The following RNF216 variants were observed in gnomAD, a reference collection of about 807,000 sequenced individuals.
RNF216 encodes ring finger protein 216.
RNF216 carries 72 observed loss-of-function variants against 110.8 expected under a neutral mutation model. The observed-to-expected ratio is 0.65, with a 90% CI of 0.54 to 0.79. The LOEUF (loss-of-function observed/expected upper bound fraction) is 0.79, where lower values mean the gene tolerates loss of function less well. Ranked by LOEUF, RNF216 falls within the 30% of genes least tolerant of loss-of-function variation. The pLI is 0.00. For synonymous variants in RNF216, 495 were observed against 407.5 expected, an observed-to-expected ratio of 1.21 and a Z score of -2.59; for missense variants, 1,342 against 1,141.2, an observed-to-expected ratio of 1.18 and a Z score of -2.54.
chr7:5,751,311 G>C (rs535210920), intron 3 of RNF216, among the ~76,000 whole-genome samples: 2 of 152,248 alleles, frequency 1.3e-5, no homozygotes, highest in East Asian at 3.9e-4. Flanking sequence ...TCAGGTCCTG[G>C]GTGAAAGCCT....
At chr7:5,709,957 T>C (rs1562415494) in intron 13 of RNF216, among the ~76,000 whole-genome samples, 1 of 152,280 alleles carries the variant, frequency 6.6e-6, no homozygotes, top group East Asian at 1.9e-4. Flanking sequence ...AGGGTCTATG[T>C]TGCTCAGGCT....
At chr7:5,660,741 C>T (rs1161309976) in intron 13 of RNF216, among the ~76,000 whole-genome samples, 4 of 151,784 alleles carry the variant, frequency 2.6e-5, no homozygotes, top group African/African-American at 7.3e-5. Context: ...CCATGCCTGG[C>T]TAATTTTTTG....
At chr7:5,739,187 T>C (rs1395169369) in intron 5 of RNF216, 89 bp downstream of exon 5, 1 of 1,375,910 alleles carries the variant, frequency 7.3e-7, no homozygotes, top group Admixed American at 3.3e-5. Flanking sequence ...AAATTGTATA[T>C]TTAAAAATGA....
chr7:5,637,591 G>C (rs192404865), intron 15 of RNF216, among the ~76,000 whole-genome samples: 2 of 152,282 alleles, frequency 1.3e-5, no homozygotes, highest in Non-Finnish European at 2.9e-5. Context: ...CTGTCACCCA[G>C]GCAGAAGTGT....
At chr7:5,776,744 T>C (rs573646692) in intron 1 of RNF216, among the ~76,000 whole-genome samples, 126 of 149,218 alleles carry the variant, frequency 8.4e-4, no homozygotes, top group African/African-American at 3.0e-3. Flanking sequence ...ACTAAAAAAA[T>C]ACAAAAATTA....
In RNF216 at chr7:5,741,046, T is replaced by C. The variant is rs148428368; in HGVS notation, c.971A>G (p.Asn324Ser). Residue 324 changes from asparagine (N) to serine (S), a missense_variant, in exon 4 of 17, where the codon AAT (asparagine) becomes AGT (serine). Physicochemically the swap from Asn to Ser is conservative, Grantham distance 46. Coordinates refer to ENST00000389902, the MANE Select transcript of RNF216 (RefSeq NM_207111.4). ...TTCTTGCCCCCAAATGTTTTCCAAA[T>C]TGGGCTCTTGAGATTCTTGCATTGG... ...AFPMQESQEP[N>S]LENIWGQEAA... 66 of 1,614,120 alleles carry C rather than the reference T, an allele frequency of 4.1e-5. 1 individual carries two copies. The African/African-American group carries it at 5.7e-4, about 14-fold the overall frequency.
At chr7:5,679,427 G>A (rs1448008180) in intron 13 of RNF216, among the ~76,000 whole-genome samples, 2 of 152,248 alleles carry the variant, frequency 1.3e-5, no homozygotes, top group Non-Finnish European at 2.9e-5. Context: ...GAGGATGCAG[G>A]CGCTGAGCGC....
intron 1 of RNF216, among the ~76,000 whole-genome samples, chr7:5,773,836 G>C (rs957471287): frequency 1.3e-5 from 2 of 152,142 alleles, no homozygotes; most frequent in Non-Finnish European, 2.9e-5. Context: ...CAAAGTCCTG[G>C]GATAACAGGC....
intron 15 of RNF216, among the ~76,000 whole-genome samples, chr7:5,636,608 T>C (rs1263111830): frequency 6.6e-6 from 1 of 152,212 alleles, no homozygotes; most frequent in African/African-American, 2.4e-5. Context: ...AATGGCTTTG[T>C]GTTCTCAGAA....
chr7:5,689,121 T>A (rs543962011), intron 13 of RNF216, among the ~76,000 whole-genome samples: 1 of 152,156 alleles, frequency 6.6e-6, no homozygotes, highest in African/African-American at 2.4e-5. Context: ...CAGTGCCTTG[T>A]GAGCCAATAT....
At chr7:5,714,894 G>A (rs530376586) in intron 11 of RNF216, among the ~76,000 whole-genome samples, 159 bp downstream of exon 11, 27 of 152,262 alleles carry the variant, frequency 1.8e-4, no homozygotes, top group Admixed American at 1.2e-3. Flanking sequence ...TGTGCTCAGA[G>A]AACCCACATA....
chr7:5,670,298 T>C (rs942749884), intron 13 of RNF216, among the ~76,000 whole-genome samples: 3 of 152,050 alleles, frequency 2.0e-5, no homozygotes, highest in Admixed American at 2.0e-4. Flanking sequence ...GCACATGCAC[T>C]GCTCCCCTGA....
chr7:5,688,831 A>G (rs1211374677), intron 13 of RNF216, among the ~76,000 whole-genome samples: 4 of 152,032 alleles, frequency 2.6e-5, no homozygotes, highest in African/African-American at 9.7e-5. Flanking sequence ...GCTCTTAATA[A>G]TATGATACGA....
At chr7:5,771,180 A>G (rs997863127) in intron 1 of RNF216, among the ~76,000 whole-genome samples, 4 of 152,300 alleles carry the variant, frequency 2.6e-5, no homozygotes, top group African/African-American at 9.6e-5. Context: ...CCTTTCTACT[A>G]TATGATGCTG....
chr7:5,760,207 T>C (rs972351788), intron 2 of RNF216, among the ~76,000 whole-genome samples: 2 of 152,056 alleles, frequency 1.3e-5, no homozygotes, highest in Non-Finnish European at 2.9e-5. Flanking sequence ...TCAATAAAAT[T>C]CCCCAAAACT....
intron 8 of RNF216, among the ~76,000 whole-genome samples, chr7:5,723,463 T>G (rs898113241): frequency 6.6e-6 from 1 of 151,788 alleles, no homozygotes; most frequent in African/African-American, 2.4e-5. Flanking sequence ...CTGGCTAACA[T>G]GGTGAAACCC....
chr7:5,705,151 CCT>C (rs1332279024), intron 13 of RNF216, among the ~76,000 whole-genome samples: 1 of 152,158 alleles, frequency 6.6e-6, no homozygotes, highest in East Asian at 1.9e-4. Flanking sequence ...TAGATCTCTC[CCT>C]GTGTTACTGA....
At chr7:5,642,843 T>A (rs960054510) in intron 14 of RNF216, among the ~76,000 whole-genome samples, 1 of 152,214 alleles carries the variant, frequency 6.6e-6, no homozygotes, top group African/African-American at 2.4e-5. Context: ...ACAACTGCAA[T>A]TTTCTACAGC....
At chr7:5,667,985 G>A (rs533560765) in intron 13 of RNF216, among the ~76,000 whole-genome samples, 23 of 152,322 alleles carry the variant, frequency 1.5e-4, no homozygotes, top group African/African-American at 5.3e-4. Flanking sequence ...AAGCTGAGCA[G>A]GTAACTTCGC....
Sources: gnomAD v4.1 joint callset for allele counts (sites outside exome capture counted in the v4.1 genomes callset) on GRCh38, gnomAD v4.1.1 for gene constraint, MANE v1.5 for transcripts, NCBI Gene and HGNC (gene_info 2026-07-23, HGNC 2026-07-21) for gene names.